Variants in XPO4 observed in about 807,000 individuals in gnomAD.
The protein encoded by XPO4 is exportin-4.
XPO4 carries 39 observed loss-of-function variants against 143.0 expected under a neutral mutation model. The ratio of observed to expected loss-of-function variants is 0.27; its 90% confidence interval spans 0.21 to 0.36. The LOEUF (loss-of-function observed/expected upper bound fraction) is 0.36, where lower values mean the gene tolerates loss of function less well. Among genes scored for constraint, XPO4 ranks in the 10% least tolerant of loss-of-function variants. The pLI is 1.00. For synonymous variants in XPO4, 439 were observed against 474.0 expected (o/e 0.93, Z 0.96); for missense variants, 907 against 1,348.0 (o/e 0.67, Z 5.12).
intron 15 of XPO4, 51 bp from the exon 16 acceptor site, chr13:20,799,390 C>CACACAT (rs1224580875): frequency 7.0e-7 from 1 of 1,426,212 alleles, no homozygotes; most frequent in African/African-American, 1.4e-5. Context: ...TATATACATA[C>CACACAT]ACACATACAC....
At position 20,827,122 on chromosome 13, in the gene XPO4, G is replaced by A. The variant is rs1335822034; in HGVS notation, c.785C>T (p.Thr262Ile). 1 of 1,613,978 alleles carries A rather than the reference G, an allele frequency of 6.2e-7. No homozygotes were observed. Among genetic ancestry groups the A allele is most frequent in the East Asian group, 2.2e-5 (1 of 44,872 alleles). ...ESSQNVLLKP[T>I]ESWRETLLDS... ...CAGAAGAGTCTCCCGCCAGGACTCT[G>A]TTGGCTTCAACAGCACATTTTGCGA... Residue 262 changes from threonine (T) to isoleucine (I), a missense_variant, in exon 7 of 23, where the codon ACA becomes ATA. Physicochemically the swap from Thr to Ile is moderately conservative, Grantham distance 89. Transcript: ENST00000255305.
chr13:20,789,569 T>C (rs1286668237), intron 19 of XPO4, among the ~76,000 whole-genome samples: 1 of 145,214 alleles, frequency 6.9e-6, no homozygotes, highest in Non-Finnish European at 1.5e-5. Context: ...TTTTTTTTTG[T>C]GTGTGTGTGT....
rs1386651128 is a variant in XPO4 at position 20,809,196 on chromosome 13, C to T, written c.1380G>A (p.Glu460=). Residue 460 remains glutamate, a synonymous_variant, in exon 11 of 23, where the codon GAG becomes GAA. Transcript: ENST00000255305. ...LTANGVASRE[E]EEISELQEDD... ...CCTCTTGAAGTTCACTTATTTCTTC[C>T]TCCTCACGAGAGGCCACACCATTGG... The T allele has an allele frequency of 1.9e-6, 3 of 1,613,908 alleles. No individual in the cohort carries two copies.
chr13:20,842,725 G>C (rs537216361), intron 6 of XPO4, among the ~76,000 whole-genome samples, 170 bp downstream of exon 6: 1 of 151,980 alleles, frequency 6.6e-6, no homozygotes, highest in South Asian at 2.1e-4. Flanking sequence ...TATTATCCTA[G>C]TATCCACTGT....
chr13:20,897,505 C>A (rs1292746693), intron 1 of XPO4, among the ~76,000 whole-genome samples: 1 of 152,176 alleles, frequency 6.6e-6, no homozygotes, highest in Non-Finnish European at 1.5e-5. Flanking sequence ...TTTGTACCTA[C>A]TTCTATTATA....
intron 9 of XPO4, among the ~76,000 whole-genome samples, chr13:20,820,911 C>T (rs183379483): frequency 7.8e-4 from 119 of 152,262 alleles, no homozygotes; most frequent in Non-Finnish European, 1.2e-3. Context: ...CTCTTACAGC[C>T]TTTCAGAAAG....
At chr13:20,799,078 G>T in intron 16 of XPO4, 87 bp downstream of exon 16, 56 of 1,093,982 alleles carry the variant, frequency 5.1e-5, no homozygotes, top group Non-Finnish European at 6.9e-5. Context: ...ATACATTTAT[G>T]TCTCCAGAGA....
At chr13:20,828,602 T>C (rs1157212287) in intron 6 of XPO4, among the ~76,000 whole-genome samples, 1 of 152,158 alleles carries the variant, frequency 6.6e-6, no homozygotes, top group Admixed American at 6.5e-5. Context: ...AATCACTGCT[T>C]GTTTCTGAAA....
rs1285922144 is a variant in XPO4 at position 20,783,853 on chromosome 13, A to T, written c.3325T>A (p.Leu1109Ile). The change falls in exon 23 of 23, where the codon TTA (leucine) becomes ATA (isoleucine). Residue 1109 changes from leucine (L) to isoleucine (I), a missense_variant. Coordinates refer to ENST00000255305, the MANE Select transcript of XPO4 (RefSeq NM_022459.5). ...GTGAGCTTGTTGAAGGCATCTGCTA[A>T]TCTCTGGTAAATAACTGGGTCTTGC... ...SQQDPVIYQR[L>I]ADAFNKLTAS... is the part of the protein sequence containing the mutation. 2 of 1,614,084 alleles carry T rather than the reference A, an allele frequency of 1.2e-6. No individual in the cohort carries two copies. The highest frequency in any genetic ancestry group is 1.7e-5 in the Admixed American group (1 of 60,012).
intron 1 of XPO4, among the ~76,000 whole-genome samples, chr13:20,876,093 CAAAAAAA>C (rs11301411): frequency 1.5e-3 from 133 of 90,726 alleles, no homozygotes; most frequent in Admixed American, 2.3e-3. Flanking sequence ...CTACTAAATA[CAAAAAAA>C]AAAAAAAAAA....
intron 13 of XPO4, among the ~76,000 whole-genome samples, chr13:20,806,709 C>T (rs1425024547): frequency 6.6e-6 from 1 of 151,748 alleles, no homozygotes; most frequent in Non-Finnish European, 1.5e-5. Context: ...TACACCACCA[C>T]ATCCAGCTAA....
intron 9 of XPO4, among the ~76,000 whole-genome samples, chr13:20,815,700 C>T (rs1344396263): frequency 1.3e-5 from 2 of 152,066 alleles, no homozygotes; most frequent in Non-Finnish European, 2.9e-5. Flanking sequence ...GATTCACAGA[C>T]AAAAAATGCA....
intron 1 of XPO4, among the ~76,000 whole-genome samples, chr13:20,876,832 G>A (rs970743768): frequency 6.6e-6 from 1 of 152,178 alleles, no homozygotes; most frequent in African/African-American, 2.4e-5. Flanking sequence ...CAAAGAGTGA[G>A]CAGCAGCAAG....
At chr13:20,861,708 T>G (rs2060200109) in intron 3 of XPO4, among the ~76,000 whole-genome samples, 1 of 150,126 alleles carries the variant, frequency 6.7e-6, no homozygotes, top group Non-Finnish European at 1.5e-5. Flanking sequence ...TCCTCAAAAC[T>G]CATCCTATTT....
At chr13:20,809,590 G>A (rs1192677096) in intron 10 of XPO4, among the ~76,000 whole-genome samples, 1 of 152,296 alleles carries the variant, frequency 6.6e-6, no homozygotes, top group East Asian at 1.9e-4. Flanking sequence ...ACAGAAAGAG[G>A]TGGGTAACTG....
chr13:20,860,099 T>G (rs925689568), intron 3 of XPO4, among the ~76,000 whole-genome samples: 1 of 152,178 alleles, frequency 6.6e-6, no homozygotes, highest in Non-Finnish European at 1.5e-5. Context: ...CCAGGCACTG[T>G]GCTCAGAACA....
intron 6 of XPO4, among the ~76,000 whole-genome samples, chr13:20,836,597 A>G (rs937800469): frequency 1.3e-5 from 2 of 152,060 alleles, no homozygotes; most frequent in Non-Finnish European, 2.9e-5. Context: ...CTATAATTCT[A>G]CTAATGGTGC....
In XPO4 at chr13:20,863,247, T is replaced by A. The variant is rs1167051588; in HGVS notation, c.176-389A>T. The A allele has an allele frequency of 1.2e-5, 4 of 326,698 alleles. No homozygotes were observed. In the East Asian group the frequency reaches 4.7e-4, roughly 39 times the overall value. 20.2% of individuals were successfully genotyped at this position (326,698 alleles called of 1,614,324 possible). ...TCTGAAAAACATTTTAATAAACTAG[T>A]CATTGAACATTACTACCTGTGATGA... On this transcript the variant is annotated intron_variant, in intron 2 of 22. Coordinates refer to ENST00000255305, the MANE Select transcript of XPO4 (RefSeq NM_022459.5).
At chr13:20,806,539 CTTTTTTTTTTTTTTTTTT>C (rs3056347) in intron 13 of XPO4, among the ~76,000 whole-genome samples, 5 of 61,648 alleles carry the variant, frequency 8.1e-5, no homozygotes, top group East Asian at 5.5e-4. Flanking sequence ...TTTCAGGACC[CTTTTTTTTTTTTTTTTTT>C]TTTTTTTTTT....
Sources: gnomAD v4.1 joint callset for allele counts (sites outside exome capture counted in the v4.1 genomes callset) on GRCh38, gnomAD v4.1.1 for gene constraint, MANE v1.5 for transcripts, NCBI Gene and HGNC (gene_info 2026-07-23, HGNC 2026-07-21) for gene names.